The following MSTO1 variants were observed in gnomAD, a reference collection of about 807,000 sequenced individuals.
MSTO1 encodes the protein protein misato homolog 1.
A neutral mutation model predicts 55.7 loss-of-function variants in MSTO1; 24 were observed. The observed-to-expected ratio is 0.43, with a 90% CI of 0.31 to 0.61. The LOEUF is 0.61. MSTO1 is among the 20% of genes least tolerant of loss of function. The pLI, the probability that MSTO1 is intolerant of heterozygous loss-of-function variation, is 0.09. For missense variants in MSTO1, 363 were observed against 625.7 expected, an observed-to-expected ratio of 0.58 and a Z score of 4.48; for synonymous variants, 162 against 252.8, an observed-to-expected ratio of 0.64 and a Z score of 3.41.
the MSTO1 span, among the ~76,000 whole-genome samples, chr1:155,572,466 G>A: frequency 6.6e-6 from 1 of 152,092 alleles, no homozygotes; most frequent in Non-Finnish European, 1.5e-5. Context: ...TGTAATCCCA[G>A]CACTTTGAGA....
the MSTO1 span, among the ~76,000 whole-genome samples, chr1:155,575,800 A>ATTTT: frequency 7.7e-6 from 1 of 130,166 alleles, no homozygotes; most frequent in Non-Finnish European, 1.6e-5. Context: ...TTTTATTTTT[A>ATTTT]TTTATTTATT....
chr1:155,585,716 A>G, the MSTO1 span, among the ~76,000 whole-genome samples: 1 of 152,116 alleles, frequency 6.6e-6, no homozygotes, highest in Non-Finnish European at 1.5e-5. Flanking sequence ...AATATAATAC[A>G]CATGTTATAA....
the MSTO1 span, among the ~76,000 whole-genome samples, chr1:155,595,394 T>TA: frequency 6.6e-6 from 1 of 151,962 alleles, no homozygotes; most frequent in East Asian, 1.9e-4. Context: ...TAGCCAGGAT[T>TA]GTCTCGATCT....
chr1:155,613,388 C>T (rs1368450396), intron 11 of MSTO1, 74 bp from the exon 12 acceptor site: 1 of 1,601,720 alleles, frequency 6.2e-7, no homozygotes, highest in Admixed American at 1.7e-5. Flanking sequence ...CAGCTGATGG[C>T]CTGAGAACAT....
the MSTO1 span, among the ~76,000 whole-genome samples, chr1:155,597,114 C>T: frequency 6.7e-6 from 1 of 150,362 alleles, no homozygotes; most frequent in Admixed American, 6.6e-5. Context: ...CTCAAAAATA[C>T]AAAAGACAAA....
chr1:155,564,242 C>T, the MSTO1 span, among the ~76,000 whole-genome samples: 1 of 152,216 alleles, frequency 6.6e-6, no homozygotes, highest in Non-Finnish European at 1.5e-5. Flanking sequence ...GCTTGTAATC[C>T]CAGCGCTTTG....
chr1:155,578,343 T>TTC, the MSTO1 span, among the ~76,000 whole-genome samples: 4 of 93,962 alleles, frequency 4.3e-5, no homozygotes, highest in East Asian at 1.6e-3. Flanking sequence ...TTTCTTTTTT[T>TTC]TTTTTTTTTT....
the MSTO1 span, among the ~76,000 whole-genome samples, chr1:155,604,153 G>C: frequency 6.6e-6 from 1 of 152,284 alleles, no homozygotes; most frequent in Non-Finnish European, 1.5e-5. Context: ...TGACCCCTGA[G>C]CAACAACGTT....
chr1:155,601,873 G>A, the MSTO1 span, among the ~76,000 whole-genome samples: 1 of 152,134 alleles, frequency 6.6e-6, no homozygotes, highest in African/African-American at 2.4e-5. Context: ...TCCAGCCTCA[G>A]CCTCCCAAGT....
chr1:155,586,855 C>G, the MSTO1 span, among the ~76,000 whole-genome samples: 1 of 152,194 alleles, frequency 6.6e-6, no homozygotes, highest in African/African-American at 2.4e-5. Context: ...TCAAGCAATT[C>G]TCATGCCTCA....
chr1:155,564,128 C>G, the MSTO1 span, among the ~76,000 whole-genome samples: 1 of 152,224 alleles, frequency 6.6e-6, no homozygotes, highest in Non-Finnish European at 1.5e-5. Flanking sequence ...GAAGGATCTA[C>G]TTGGGTTTCC....
chr1:155,612,681 A>G, intron 9 of MSTO1, 111 bp downstream of exon 9: 1 of 1,431,436 alleles, frequency 7.0e-7, no homozygotes, highest in Admixed American at 2.1e-5. Context: ...GCTTGAACTC[A>G]GCTGTGATGT....
In MSTO1 at chr1:155,613,659, C is replaced by G; in HGVS notation, c.1391C>G (p.Ser464Cys). ...ATGGCTGTTCTCTGCCCCCACAGTT[C>G]TTCCCATCTGCTGCTGACTCCCTGC... is the stretch of plus-strand genomic sequence containing the variant. ...LQQQQPGVMSSSHLLLTPCRV... is the reference protein window; with the variant it reads ...LQQQQPGVMSCSHLLLTPCRV... The change falls in exon 13 of 14, where the codon TCT becomes TGT. Residue 464 changes from serine (S) to cysteine (C), a missense_variant and splice_region_variant. Around this residue, in one of 3 missense-constraint regions of MSTO1, gnomAD observed 38 missense variants for 126.4 expected, o/e 0.30. Coordinates refer to ENST00000245564, the MANE Select transcript of MSTO1 (RefSeq NM_018116.4). The G allele has an allele frequency of 6.3e-7, 1 of 1,592,566 alleles. No individual in the cohort carries two copies. Among genetic ancestry groups the G allele is most frequent in the Non-Finnish European group, 8.6e-7 (1 of 1,163,114 alleles).
At chr1:155,584,994 C>G in the MSTO1 span, among the ~76,000 whole-genome samples, 3 of 151,924 alleles carry the variant, frequency 2.0e-5, no homozygotes, top group Admixed American at 6.6e-5. Flanking sequence ...CTCCTGGGCT[C>G]AAGCAGTCTT....
At chr1:155,567,931 G>A in the MSTO1 span, among the ~76,000 whole-genome samples, 1 of 151,544 alleles carries the variant, frequency 6.6e-6, no homozygotes, top group Admixed American at 6.6e-5. Context: ...CACCTACTTT[G>A]GGAGGCTGAG....
At chr1:155,568,525 G>A in the MSTO1 span, among the ~76,000 whole-genome samples, 2 of 151,686 alleles carry the variant, frequency 1.3e-5, no homozygotes, top group South Asian at 2.1e-4. Flanking sequence ...TGCAACTTCC[G>A]CCTCCCGGAT....
chr1:155,580,084 A>G, the MSTO1 span, among the ~76,000 whole-genome samples: 1 of 151,714 alleles, frequency 6.6e-6, no homozygotes, highest in Non-Finnish European at 1.5e-5. Context: ...TCAAAAAGAA[A>G]AAAAAAAAAA....
the MSTO1 span, among the ~76,000 whole-genome samples, chr1:155,591,790 CAA>C: frequency 7.7e-6 from 1 of 129,160 alleles, no homozygotes; most frequent in African/African-American, 2.9e-5. Context: ...AACTCCGTCT[CAA>C]AAAAAAAAAA....
chr1:155,605,260 C>A (rs1672920746), upstream of MSTO1, among the ~76,000 whole-genome samples: 1 of 83,274 alleles, frequency 1.2e-5, no homozygotes, highest in Non-Finnish European at 2.7e-5. Flanking sequence ...GACTCCATCA[C>A]AAAACAAAAC....
Sources: allele counts gnomAD v4.1 joint callset (sites outside exome capture counted in the v4.1 genomes callset), GRCh38; gene constraint gnomAD v4.1.1; regional missense constraint gnomAD v4.1.1; transcripts MANE v1.5; gene names NCBI Gene and HGNC (gene_info 2026-07-23, HGNC 2026-07-21).